Variants in PPP1R1C observed in about 807,000 individuals in gnomAD.
PPP1R1C encodes protein phosphatase 1 regulatory inhibitor subunit 1C.
A neutral mutation model predicts 17.4 loss-of-function variants in PPP1R1C; 15 were observed. The observed-to-expected ratio is 0.86, with a 90% confidence interval of 0.58 to 1.33. The LOEUF (loss-of-function observed/expected upper bound fraction) is 1.33, where lower values mean the gene tolerates loss of function less well. Ranked by LOEUF, PPP1R1C falls within the 40% of genes most tolerant of loss-of-function variation. PPP1R1C has a pLI of 0.00. For synonymous variants in PPP1R1C, 35 were observed against 43.1 expected (o/e 0.81, Z 0.73); for missense variants, 143 against 130.0 (o/e 1.10, Z -0.48).
chr2:182,029,685 T>G (rs1686752371), intron 2 of PPP1R1C, among the ~76,000 whole-genome samples: 1 of 113,704 alleles, frequency 8.8e-6, no homozygotes, highest in Admixed American at 9.6e-5. Context: ...CTGACAATTA[T>G]GTGTCTTGGA....
chr2:181,987,067 G>T (rs1276602254), intron 1 of PPP1R1C, among the ~76,000 whole-genome samples: 1 of 152,152 alleles, frequency 6.6e-6, no homozygotes, highest in Non-Finnish European at 1.5e-5. Context: ...CCAGATAAAT[G>T]TATCCTTGAA....
chr2:182,035,464 T>C (rs1338193335), intron 2 of PPP1R1C, among the ~76,000 whole-genome samples: 1 of 152,190 alleles, frequency 6.6e-6, no homozygotes, highest in African/African-American at 2.4e-5. Flanking sequence ...TCTTGGCATT[T>C]GATATAGTTT....
intron 2 of PPP1R1C, among the ~76,000 whole-genome samples, chr2:181,995,913 G>A (rs573859998): frequency 3.2e-4 from 48 of 152,232 alleles, no homozygotes; most frequent in African/African-American, 1.1e-3. Context: ...AGGGGCTTAA[G>A]CAGAAATGCC....
chr2:182,086,347 A>G (rs1434671462), intron 4 of PPP1R1C, among the ~76,000 whole-genome samples: 1 of 152,116 alleles, frequency 6.6e-6, no homozygotes, highest in Non-Finnish European at 1.5e-5. Flanking sequence ...TATAAAGCAA[A>G]GCAATCTACC....
upstream of PPP1R1C, chr2:181,985,806 A>T (rs1490527102): frequency 2.5e-6 from 1 of 400,478 alleles, no homozygotes; most frequent in African/African-American, 2.0e-5. This position sits in a 1 kb window ranked among gnomAD's most constrained non-coding sequence, Gnocchi z 4.1. Context: ...TTAGCTGCTG[A>T]GTGAATGCTT....
At chr2:181,990,785 T>A (rs1207063382) in intron 2 of PPP1R1C, among the ~76,000 whole-genome samples, 1 of 152,204 alleles carries the variant, frequency 6.6e-6, no homozygotes, top group East Asian at 1.9e-4. Flanking sequence ...AAGTGTTAAA[T>A]GACCATTTTT....
At chr2:181,985,410 G>T (rs1244967553), upstream of PPP1R1C, among the ~76,000 whole-genome samples, 1 of 152,182 alleles carries the variant, frequency 6.6e-6, no homozygotes, top group Non-Finnish European at 1.5e-5. This position sits in a 1 kb window ranked among gnomAD's most constrained non-coding sequence, Gnocchi z 4.1. Context: ...GCTCAGCCCT[G>T]CAGTAATGCT....
intron 2 of PPP1R1C, among the ~76,000 whole-genome samples, chr2:181,994,134 T>C (rs539601838): frequency 4.6e-5 from 7 of 152,234 alleles, no homozygotes; most frequent in African/African-American, 1.4e-4. Flanking sequence ...TGTTTGCCAA[T>C]ATAATTTTTG....
chr2:181,997,634 A>T (rs536117769), intron 2 of PPP1R1C, among the ~76,000 whole-genome samples: 10 of 152,366 alleles, frequency 6.6e-5, no homozygotes, highest in Non-Finnish European at 1.5e-4. Context: ...GAGTATTTTA[A>T]AGAATAAATT....
chr2:182,064,107 A>G (rs1375492581), intron 4 of PPP1R1C: 6 of 300,616 alleles, frequency 2.0e-5, no homozygotes, highest in Non-Finnish European at 3.7e-5. Flanking sequence ...AGCCCTAATT[A>G]CTCTTGCCAG....
chr2:182,035,434 G>T (rs988513689), intron 2 of PPP1R1C, among the ~76,000 whole-genome samples: 5 of 152,080 alleles, frequency 3.3e-5, no homozygotes, highest in Non-Finnish European at 7.4e-5. Flanking sequence ...TGCATAATTT[G>T]TTTCTTCATA....
intron 1 of PPP1R1C, among the ~76,000 whole-genome samples, chr2:181,959,391 G>T (rs1350745245): frequency 6.6e-6 from 1 of 152,120 alleles, no homozygotes; most frequent in East Asian, 1.9e-4. Context: ...GAATCAACAA[G>T]ATGTCTCTCA....
chr2:181,985,031 T>C (rs1374126368), upstream of PPP1R1C, among the ~76,000 whole-genome samples: 1 of 152,184 alleles, frequency 6.6e-6, no homozygotes, highest in African/African-American at 2.4e-5. This position sits in a 1 kb window ranked among gnomAD's most constrained non-coding sequence, Gnocchi z 4.1. Context: ...CAAGTCCTTA[T>C]CTTTACATAC....
intron 4 of PPP1R1C, among the ~76,000 whole-genome samples, chr2:182,113,255 C>A (rs1243459156): frequency 6.6e-6 from 1 of 152,282 alleles, no homozygotes; most frequent in Non-Finnish European, 1.5e-5. Flanking sequence ...TAAATGTCAG[C>A]CATTGACTCT....
At chr2:182,096,697 T>G (rs565772888) in intron 4 of PPP1R1C, among the ~76,000 whole-genome samples, 1 of 152,304 alleles carries the variant, frequency 6.6e-6, no homozygotes, top group Admixed American at 6.5e-5. Flanking sequence ...ACATGGCTGG[T>G]TCCTTTGTTA....
chr2:182,098,820 G>A, intron 4 of PPP1R1C, among the ~76,000 whole-genome samples: 1 of 152,094 alleles, frequency 6.6e-6, no homozygotes, highest in East Asian at 1.9e-4. Context: ...ATAGAAAACA[G>A]GAAGCTATCT....
chr2:181,962,506 A>G lies in PPP1R1C; in HGVS notation n.111+7872A>G. On this transcript the variant is annotated intron_variant and non_coding_transcript_variant, in intron 1 of 5. Transcript: ENST00000464264. The surrounding 1 kb of genome is among the most constrained non-coding windows in gnomAD (Gnocchi z 6.0). ...TATCCAGGGAGGAGAGTGAGAGGAC[A>G]GGACTCAGGCTTTGCCGACCCGTCA... 3.0e-6 allele frequency: 2 copies of G among 662,382 alleles called. No individual in the cohort carries two copies. The highest frequency in any genetic ancestry group is 5.6e-6 in the Non-Finnish European group (2 of 357,794). The allele number at this position is 662,382 out of a possible 1,614,324, so 41.0% of individuals were successfully genotyped here. A position where few individuals can be genotyped will look rare whatever the true frequency, so the allele number is the denominator to read the frequency against.
In PPP1R1C at chr2:182,117,559, T is replaced by C. The variant is rs1689625332; in HGVS notation, c.*264T>C. 2.9e-6 allele frequency: 1 copy of C among 347,538 alleles called. No individual in the cohort carries two copies. The highest frequency in any genetic ancestry group is 5.2e-6 in the Non-Finnish European group (1 of 191,236). 21.5% of individuals were successfully genotyped at this position (347,538 alleles called of 1,614,324 possible). Reference sequence around the variant, plus strand: ...TTAACTATGTAAAAATTTGCATACATGTGACTGTTCTAACTTTAATACTGC... The same window carrying C: ...TTAACTATGTAAAAATTTGCATACACGTGACTGTTCTAACTTTAATACTGC... On this transcript the variant is annotated 3_prime_UTR_variant, in exon 5 of 5. Transcript: ENST00000682840.
chr2:182,088,990 CA>C (rs1244436212), intron 4 of PPP1R1C, among the ~76,000 whole-genome samples: 2 of 152,284 alleles, frequency 1.3e-5, no homozygotes, highest in East Asian at 3.9e-4. Context: ...CAGATAACCT[CA>C]AATGCTAGAG....
Sources: gnomAD v4.1 joint callset for allele counts (sites outside exome capture counted in the v4.1 genomes callset) on GRCh38, gnomAD v4.1.1 for gene constraint, Gnocchi (gnomAD v3.1) non-coding constraint, MANE v1.5 for transcripts, NCBI Gene and HGNC (gene_info 2026-07-23, HGNC 2026-07-21) for gene names.